NOS1AP: variants seen among roughly 807,000 people sequenced by gnomAD.
The protein encoded by NOS1AP is nitric oxide synthase 1 adaptor protein, also known as carboxyl-terminal PDZ ligand of neuronal nitric oxide synthase protein.
A neutral mutation model predicts 56.2 loss-of-function variants in NOS1AP; 21 were observed. The ratio of observed to expected loss-of-function variants is 0.37; its 90% confidence interval spans 0.26 to 0.54. NOS1AP has a LOEUF of 0.54. Among genes scored for constraint, NOS1AP ranks in the 20% least tolerant of loss-of-function variants. The pLI, the probability that NOS1AP is intolerant of heterozygous loss-of-function variation, is 0.84. For missense variants in NOS1AP, 522 were observed against 657.8 expected (o/e 0.79, Z 2.26); for synonymous variants, 270 against 274.6 (o/e 0.98, Z 0.17).
At chr1:162,253,196 C>T (rs1231480676) in intron 2 of NOS1AP, among the ~76,000 whole-genome samples, 1 of 152,160 alleles carries the variant, frequency 6.6e-6, no homozygotes, top group Non-Finnish European at 1.5e-5. Context: ...CTCTTTCTCT[C>T]TTGCCCTCTC....
intron 1 of NOS1AP, among the ~76,000 whole-genome samples, chr1:162,075,187 T>C (rs1268180372): frequency 1.3e-5 from 2 of 152,168 alleles, no homozygotes; most frequent in Non-Finnish European, 2.9e-5. Flanking sequence ...CCTCATGCCT[T>C]GGTGTATCTC....
chr1:162,070,035 G>A lies in NOS1AP; in HGVS notation c.-143G>A, dbSNP rs1391948802. The A allele has an allele frequency of 2.0e-6, 1 of 501,046 alleles. No individual in the cohort carries two copies. Among genetic ancestry groups the A allele is most frequent in the East Asian group, 4.1e-5 (1 of 24,392 alleles). 31.0% of individuals were successfully genotyped at this position (501,046 alleles called of 1,614,324 possible). On this transcript the variant is annotated 5_prime_UTR_variant, in exon 1 of 10. Coordinates refer to ENST00000361897, the MANE Select transcript of NOS1AP (RefSeq NM_014697.3). ...CGGCACCGCTCCGGGTCCGGCCGCC[G>A]CGCGGCCAGGGCTCCCCCTGCCCAG...
At chr1:162,343,794 G>C (rs372665811) in intron 5 of NOS1AP, 41 bp from the exon 6 acceptor site, 34 of 1,612,710 alleles carry the variant, frequency 2.1e-5, no homozygotes, top group Non-Finnish European at 2.7e-5. Context: ...TGCCCCTTGC[G>C]CATCCTCACC....
intron 2 of NOS1AP, among the ~76,000 whole-genome samples, chr1:162,211,428 G>A (rs546512971): frequency 2.2e-4 from 34 of 152,242 alleles, no homozygotes; most frequent in African/African-American, 7.9e-4. Context: ...ATGGGATTAG[G>A]ACTCTACCTT....
intron 2 of NOS1AP, among the ~76,000 whole-genome samples, chr1:162,251,792 A>T (rs1653861008): frequency 6.7e-6 from 1 of 148,724 alleles, no homozygotes; most frequent in Admixed American, 6.7e-5. Flanking sequence ...GGCTCAAGTG[A>T]TCTTCCCAAT....
intron 2 of NOS1AP, among the ~76,000 whole-genome samples, chr1:162,247,954 A>G (rs1236252112): frequency 6.6e-6 from 1 of 152,160 alleles, no homozygotes; most frequent in Admixed American, 6.5e-5. Context: ...TGGATGACAC[A>G]AAAGGATTTA....
chr1:162,356,241 G>A (rs148447887), intron 7 of NOS1AP, among the ~76,000 whole-genome samples: 2 of 152,286 alleles, frequency 1.3e-5, no homozygotes, highest in African/African-American at 2.4e-5. Context: ...GAAACAAAAT[G>A]TCTTTCCCTG....
At chr1:162,135,618 C>T (rs74125922) in intron 1 of NOS1AP, among the ~76,000 whole-genome samples, 2,688 of 152,178 alleles carry the variant, frequency 0.018, 86 homozygotes, top group African/African-American at 0.061. Context: ...CCCAGGTTTG[C>T]GTTGTAATAC....
chr1:162,154,838 A>C (rs1197930724), intron 2 of NOS1AP, among the ~76,000 whole-genome samples: 2 of 152,042 alleles, frequency 1.3e-5, no homozygotes, highest in Non-Finnish European at 2.9e-5. Flanking sequence ...TTGACTCAAA[A>C]AGATGGGGTT....
chr1:162,171,021 G>A (rs887110424), intron 2 of NOS1AP, among the ~76,000 whole-genome samples: 4 of 152,152 alleles, frequency 2.6e-5, no homozygotes, highest in Non-Finnish European at 5.9e-5. Context: ...AGGGAGGCTT[G>A]GGGTTCATGC....
intron 2 of NOS1AP, among the ~76,000 whole-genome samples, chr1:162,158,729 GT>G (rs970546524): frequency 3.3e-5 from 5 of 152,032 alleles, no homozygotes; most frequent in African/African-American, 1.2e-4. Context: ...TTGGTATTAG[GT>G]TTTTCCATAT....
In NOS1AP at chr1:162,367,028, T is replaced by A. The variant is rs760142467; in HGVS notation, c.1106-24T>A. On this transcript the variant is annotated intron_variant, in intron 9 of 9. Transcript: ENST00000361897. This position sits in a 1 kb window ranked among gnomAD's most constrained non-coding sequence, Gnocchi z 6.5. ...ACAACCTTGCCTAACGCTGCCCCTC[T>A]GCTACCTCTTGTCTCCCCTGCAGTG... is the stretch of plus-strand genomic sequence containing the variant. The A allele has an allele frequency of 1.4e-5, 22 of 1,613,552 alleles. No homozygotes were observed. Among genetic ancestry groups the A allele is most frequent in the East Asian group, 1.3e-4 (6 of 44,882 alleles).
chr1:162,104,528 A>G (rs1415967832), intron 1 of NOS1AP, among the ~76,000 whole-genome samples: 1 of 148,392 alleles, frequency 6.7e-6, no homozygotes, highest in African/African-American at 2.5e-5. Flanking sequence ...TTTTTTTCCC[A>G]TCTCTTAAAG....
At chr1:162,343,747 T>G in intron 5 of NOS1AP, 88 bp from the exon 6 acceptor site, 1 of 1,487,820 alleles carries the variant, frequency 6.7e-7, no homozygotes, top group Non-Finnish European at 9.4e-7. Flanking sequence ...GATTTTTCTG[T>G]CTCTTTCTTT....
chr1:162,238,441 C>T (rs1653376436), intron 2 of NOS1AP, among the ~76,000 whole-genome samples: 1 of 152,090 alleles, frequency 6.6e-6, no homozygotes, highest in Non-Finnish European at 1.5e-5. Flanking sequence ...GTCTCCATTC[C>T]TTCTGTAAAA....
intron 2 of NOS1AP, among the ~76,000 whole-genome samples, chr1:162,238,408 A>T (rs1213480196): frequency 1.3e-5 from 2 of 151,848 alleles, no homozygotes; most frequent in Admixed American, 1.3e-4. Context: ...CTCTTAAGTG[A>T]CCTCCACTTA....
At chr1:162,150,078 C>G (rs1649648304) in intron 1 of NOS1AP, among the ~76,000 whole-genome samples, 1 of 152,188 alleles carries the variant, frequency 6.6e-6, no homozygotes, top group Non-Finnish European at 1.5e-5. Context: ...AGATCTTACT[C>G]ATTTTACCTA....
At chr1:162,312,589 T>G (rs1177923485) in intron 4 of NOS1AP, among the ~76,000 whole-genome samples, 1 of 143,210 alleles carries the variant, frequency 7.0e-6, no homozygotes, top group African/African-American at 2.7e-5. Flanking sequence ...TTAGTTTAAT[T>G]AGATCCCATT....
At position 162,353,900 on chromosome 1, in the gene NOS1AP, A is replaced by G. The variant is rs556496014; in HGVS notation, c.596-1287A>G. On this transcript the variant is annotated intron_variant, in intron 6 of 9. Coordinates refer to ENST00000361897, the MANE Select transcript of NOS1AP (RefSeq NM_014697.3). ...AGGCTGCTCCCTGTGCTCCCCGCCTACTGGCTGACCAAGGGGCAGAAGAGC... is the reference window on the plus strand; with the variant it reads ...AGGCTGCTCCCTGTGCTCCCCGCCTGCTGGCTGACCAAGGGGCAGAAGAGC... Among the ~76,000 whole-genome samples the G allele has an allele frequency of 2.0e-5, 3 of 152,270 alleles. No individual in the cohort carries two copies. In the South Asian group the frequency reaches 6.2e-4, roughly 32 times the overall value.
Sources: gnomAD v4.1 joint callset for allele counts (sites outside exome capture counted in the v4.1 genomes callset) on GRCh38, gnomAD v4.1.1 for gene constraint, Gnocchi (gnomAD v3.1) non-coding constraint, MANE v1.5 for transcripts, NCBI Gene and HGNC (gene_info 2026-07-23, HGNC 2026-07-21) for gene names.